Variants in IMPG2 observed in about 807,000 individuals in gnomAD.
IMPG2 encodes IPM 200.
A neutral mutation model predicts 129.2 loss-of-function variants in IMPG2; 91 were observed. The ratio of observed to expected loss-of-function variants is 0.70; its 90% CI spans 0.59 to 0.84. IMPG2 has a LOEUF of 0.84. Ranked by LOEUF, IMPG2 falls within the 40% of genes least tolerant of loss-of-function variation. The probability of loss-of-function intolerance (pLI) is 0.00; values close to 1 mark genes in which losing one functional copy is unlikely to be tolerated. For synonymous variants in IMPG2, 510 were observed against 517.7 expected, an observed-to-expected ratio of 0.99 and a Z score of 0.20; for missense variants, 1,430 against 1,461.7, an observed-to-expected ratio of 0.98 and a Z score of 0.35.
intron 8 of IMPG2, 74 bp downstream of exon 8, chr3:101,269,441 A>G (rs1706754599): frequency 1.2e-6 from 1 of 854,454 alleles, no homozygotes; most frequent in Non-Finnish European, 2.0e-6. Context: ...AATATGTGTG[A>G]TAAATATAAT....
rs115147367 is a variant in IMPG2 at position 101,281,789 on chromosome 3, G to T, written c.534-5076C>A. 3.6e-3 allele frequency among the ~76,000 whole-genome samples: 554 copies of T among 152,278 alleles called. 6 individuals carry two copies. Among genetic ancestry groups the T allele is most frequent in the African/African-American group, 0.012 (506 of 41,566 alleles). ...GAGACAGAAGAAAGTCAGAGTGACGGAATGTGAGAGAGACTCCACCGGCCA... is the reference window on the plus strand; with the variant it reads ...GAGACAGAAGAAAGTCAGAGTGACGTAATGTGAGAGAGACTCCACCGGCCA... On this transcript the variant is annotated intron_variant, in intron 4 of 18. Coordinates refer to ENST00000193391, the MANE Select transcript of IMPG2 (RefSeq NM_016247.4).
At chr3:101,279,048 C>A (rs1476063952) in intron 4 of IMPG2, among the ~76,000 whole-genome samples, 2 of 152,156 alleles carry the variant, frequency 1.3e-5, no homozygotes, top group Non-Finnish European at 2.9e-5. Flanking sequence ...GGCAGTACTC[C>A]TTCCCAGTAC....
chr3:101,256,762 C>T (rs575573841), intron 10 of IMPG2, among the ~76,000 whole-genome samples: 3 of 152,056 alleles, frequency 2.0e-5, no homozygotes, highest in Non-Finnish European at 4.4e-5. Context: ...ACTTCCATAA[C>T]GTATATTCCA....
At chr3:101,263,956 A>G (rs1047408129) in intron 9 of IMPG2, among the ~76,000 whole-genome samples, 4 of 151,866 alleles carry the variant, frequency 2.6e-5, no homozygotes, top group Non-Finnish European at 4.4e-5. Flanking sequence ...TTTAGAGACT[A>G]CTATGAATAA....
rs1706250357 is a variant in IMPG2 at position 101,228,780 on chromosome 3, C to T, written c.3713+17G>A. 1 of 1,604,274 alleles carries T rather than the reference C, an allele frequency of 6.2e-7. No individual in the cohort carries two copies. Among genetic ancestry groups the T allele is most frequent in the Non-Finnish European group, 8.5e-7 (1 of 1,171,148 alleles). Reference sequence around the variant, plus strand: ...TAAGTCTGTAGGTCGGGGTGGGGGGCTGTTTCAAAAGCTTACACTTGTTGC... The same window carrying T: ...TAAGTCTGTAGGTCGGGGTGGGGGGTTGTTTCAAAAGCTTACACTTGTTGC... On this transcript the variant is annotated intron_variant, in intron 18 of 18. Transcript: ENST00000193391.
rs116792397 is a variant in IMPG2 at position 101,245,755 on chromosome 3, G to A, written c.1543+47C>T. On this transcript the variant is annotated intron_variant, in intron 12 of 18. Transcript: ENST00000193391. ...GTCTCTTCCTCTCTTTAAAACCCCTGTCATCGGATACAATAAGAAGTACGA... is the reference window on the plus strand; with the variant it reads ...GTCTCTTCCTCTCTTTAAAACCCCTATCATCGGATACAATAAGAAGTACGA... 3.0e-3 allele frequency: 4,656 copies of A among 1,542,190 alleles called. 117 individuals carry two copies. In the African/African-American group the frequency reaches 0.055, roughly 18 times the overall value.
rs1259587059 is a variant in IMPG2, at chr3:101,244,116, C to T, written c.2215G>A (p.Ala739Thr). Residue 739 changes from alanine (A) to threonine (T), a missense_variant, in exon 13 of 19, where the codon GCA becomes ACA. Coordinates refer to ENST00000193391, the MANE Select transcript of IMPG2 (RefSeq NM_016247.4). ...ISASTDKSDQ[A>T]DAILREDMEQ... The stretch of plus-strand genomic sequence containing the variant: ...ATATCCTCCCTTAGGATGGCATCTG[C>T]CTGATCTGATTTATCAGTAGAGGCA... The T allele has an allele frequency of 6.2e-7, 1 of 1,614,036 alleles. No individual in the cohort carries two copies. The highest frequency in any genetic ancestry group is 1.7e-5 in the Admixed American group (1 of 60,010).
chr3:101,263,627 C>A (rs1706692351), intron 9 of IMPG2, among the ~76,000 whole-genome samples: 1 of 151,736 alleles, frequency 6.6e-6, no homozygotes, highest in South Asian at 2.1e-4. Context: ...AACAACTTAA[C>A]AATGCATCTC....
Position 101,243,867 on chromosome 3 carries a change from T to C in IMPG2, c.2464A>G (p.Thr822Ala), listed in dbSNP as rs1706438785. The change falls in exon 13 of 19, where the codon ACA (threonine) becomes GCA (alanine). Residue 822 changes from threonine (T) to alanine (A), a missense_variant. Transcript: ENST00000193391. ...TCATCCTCTAGCAGGGTGGAGATTGTGGTTGGAGGCAATTTGGTAGACTGT... is the reference window on the plus strand; with the variant it reads ...TCATCCTCTAGCAGGGTGGAGATTGCGGTTGGAGGCAATTTGGTAGACTGT... ...VTQSTKLPPTTISTLLEDEVI... is the reference protein window; with the variant it reads ...VTQSTKLPPTAISTLLEDEVI... The C allele has an allele frequency of 6.2e-7, 1 of 1,614,194 alleles. No individual in the cohort carries two copies. Among genetic ancestry groups the C allele is most frequent in the Non-Finnish European group, 8.5e-7 (1 of 1,180,008 alleles).
At chr3:101,251,504 G>T (rs145471514) in intron 11 of IMPG2, among the ~76,000 whole-genome samples, 3 of 152,074 alleles carry the variant, frequency 2.0e-5, no homozygotes, top group African/African-American at 7.2e-5. Flanking sequence ...AGATGTTCCC[G>T]TAGTAACAAA....
intron 9 of IMPG2, among the ~76,000 whole-genome samples, chr3:101,258,773 C>T (rs1386882396): frequency 6.6e-6 from 1 of 152,196 alleles, no homozygotes; most frequent in African/African-American, 2.4e-5. Context: ...CTTAACTAGT[C>T]TTTTGGAGAA....
intron 11 of IMPG2, among the ~76,000 whole-genome samples, chr3:101,246,559 A>G (rs1236606291): frequency 6.6e-6 from 1 of 152,192 alleles, no homozygotes; most frequent in African/African-American, 2.4e-5. Flanking sequence ...ATAATTAGTT[A>G]ATGAAGGCCC....
At chr3:101,277,730 G>A (rs574114400) in intron 4 of IMPG2, among the ~76,000 whole-genome samples, 1 of 152,242 alleles carries the variant, frequency 6.6e-6, no homozygotes, top group Admixed American at 6.5e-5. Context: ...ATCTAAGAAA[G>A]CCTCTCCTCC....
intron 1 of IMPG2, 88 bp from the exon 2 acceptor site, chr3:101,319,920 A>T: frequency 7.1e-7 from 1 of 1,402,556 alleles, no homozygotes; most frequent in Non-Finnish European, 9.9e-7. Context: ...CTTGGGCTAC[A>T]TTAAGATAGA....
intron 4 of IMPG2, among the ~76,000 whole-genome samples, chr3:101,284,360 G>A (rs1456704773): frequency 6.6e-6 from 1 of 152,164 alleles, no homozygotes; most frequent in East Asian, 1.9e-4. Context: ...CAAAATCAAA[G>A]TAGCCAGGTA....
chr3:101,294,793 T>C (rs1254616423), intron 3 of IMPG2, among the ~76,000 whole-genome samples: 2 of 152,208 alleles, frequency 1.3e-5, no homozygotes, highest in Non-Finnish European at 2.9e-5. Context: ...TTCTGACTGG[T>C]GTGAGATGGT....
intron 2 of IMPG2, among the ~76,000 whole-genome samples, chr3:101,315,714 C>T (rs1356717221): frequency 1.3e-5 from 2 of 151,830 alleles, no homozygotes; most frequent in African/African-American, 4.8e-5. Context: ...GGCAATTCTC[C>T]CCAAACTGAT....
At chr3:101,313,531 C>T (rs893062102) in intron 2 of IMPG2, among the ~76,000 whole-genome samples, 2 of 151,950 alleles carry the variant, frequency 1.3e-5, no homozygotes, top group African/African-American at 4.8e-5. Context: ...AATAACCTGC[C>T]CTGGAAACTA....
At chr3:101,286,887 G>T (rs140621363) in intron 4 of IMPG2, among the ~76,000 whole-genome samples, 2 of 152,276 alleles carry the variant, frequency 1.3e-5, no homozygotes, top group African/African-American at 4.8e-5. Flanking sequence ...GGCAGCTCCA[G>T]AGAAAACCCA....
Sources: allele counts gnomAD v4.1 joint callset (sites outside exome capture counted in the v4.1 genomes callset), GRCh38; gene constraint gnomAD v4.1.1; transcripts MANE v1.5; gene names NCBI Gene and HGNC (gene_info 2026-07-23, HGNC 2026-07-21).